The following LRRC4B variants were observed in gnomAD, a reference collection of about 807,000 sequenced individuals.
LRRC4B encodes the protein leucine rich repeat containing 4B.
LRRC4B carries 1 observed loss-of-function variant against 7.3 expected under a neutral mutation model. The observed-to-expected ratio is 0.14, with a 90% confidence interval of 0.05 to 0.65. LRRC4B has a LOEUF of 0.65. Among genes scored for constraint, LRRC4B ranks in the 30% least tolerant of loss-of-function variants. The pLI is 0.84. For synonymous variants in LRRC4B, 500 were observed against 499.2 expected (o/e 1.00, Z -0.02); for missense variants, 730 against 1,041.6 (o/e 0.70, Z 4.12).
At chr19:50,536,937 T>C (rs1981320567) in intron 2 of LRRC4B, among the ~76,000 whole-genome samples, 1 of 151,804 alleles carries the variant, frequency 6.6e-6, no homozygotes, top group African/African-American at 2.4e-5. Context: ...CAGAAAGGTG[T>C]CCCCTAGGAG....
rs1417806349 is a variant in LRRC4B at position 50,519,311 on chromosome 19, G to T, written c.402C>A (p.Pro134=). ...KIEVGAFNGL[P]SLNTLELFDN... ...CAAAAAGCTCCAGCGTGTTGAGGCT[G>T]GGCAGCCCGTTGAAGGCGCCCACCT... Residue 134 remains proline, a synonymous_variant, in exon 3 of 3, where the codon CCC becomes CCA. Transcript: ENST00000652263. This position sits in a 1 kb window ranked among gnomAD's most constrained non-coding sequence, Gnocchi z 8.1. The T allele has an allele frequency of 5.0e-6, 8 of 1,613,758 alleles. No individual in the cohort carries two copies. The South Asian group carries it at 6.6e-5, about 13-fold the overall frequency.
Position 50,517,513 on chromosome 19 carries a change from C to T in LRRC4B, c.*58G>A. The T allele has an allele frequency of 1.5e-6, 2 of 1,358,674 alleles. No individual in the cohort carries two copies. Among genetic ancestry groups the T allele is most frequent in the Non-Finnish European group, 1.9e-6 (2 of 1,051,084 alleles). 84.2% of individuals were successfully genotyped at this position (1,358,674 alleles called of 1,614,324 possible). A position where few individuals can be genotyped will look rare whatever the true frequency, so the allele number is the denominator to read the frequency against. On this transcript the variant is annotated 3_prime_UTR_variant, in exon 3 of 3. Coordinates refer to ENST00000652263, the MANE Select transcript of LRRC4B (RefSeq NM_001080457.2). The surrounding 1 kb of genome is among the most constrained non-coding windows in gnomAD (Gnocchi z 6.6). The stretch of plus-strand genomic sequence containing the variant: ...AGGGAGGGGTCCCGGTCAGGCTGCG[C>T]CCGGGCTGGGACCTGGGTGGGGGGC...
chr19:50,524,870 T>C (rs1599761737), intron 2 of LRRC4B, among the ~76,000 whole-genome samples: 1 of 152,032 alleles, frequency 6.6e-6, no homozygotes, highest in Non-Finnish European at 1.5e-5. Flanking sequence ...ATGCTGCGGG[T>C]TTACTCGGTG....
rs1037783779 is a variant in LRRC4B at position 50,519,574 on chromosome 19, T to G, written c.298-159A>C. Among the ~76,000 whole-genome samples the G allele has an allele frequency of 4.6e-5, 7 of 152,142 alleles. No homozygotes were observed. The highest frequency in any genetic ancestry group is 3.3e-4 in the Admixed American group (5 of 15,272). On this transcript the variant is annotated intron_variant, in intron 2 of 2. Transcript: ENST00000652263. This position sits in a 1 kb window ranked among gnomAD's most constrained non-coding sequence, Gnocchi z 8.1. Reference sequence around the variant, plus strand: ...GCAACATGGTTTGATGAGTTTCTTATAAAGTTAAAACTGGAGTCAAGGCTG... The same window carrying G: ...GCAACATGGTTTGATGAGTTTCTTAGAAAGTTAAAACTGGAGTCAAGGCTG...
chr19:50,546,073 G>A (rs946071636), intron 2 of LRRC4B, among the ~76,000 whole-genome samples: 3 of 151,370 alleles, frequency 2.0e-5, no homozygotes, highest in African/African-American at 7.3e-5. Context: ...GGTGGCTCAC[G>A]CCTGTAATCC....
chr19:50,541,859 CG>C (rs1981565010), intron 2 of LRRC4B, among the ~76,000 whole-genome samples: 1 of 152,030 alleles, frequency 6.6e-6, no homozygotes, highest in African/African-American at 2.4e-5. Context: ...TAGAAGCCTC[CG>C]GGACGTCCAG....
chr19:50,530,657 C>T (rs1981014585), intron 2 of LRRC4B, among the ~76,000 whole-genome samples: 1 of 152,206 alleles, frequency 6.6e-6, no homozygotes, highest in South Asian at 2.1e-4. Context: ...GAGACTCACT[C>T]CGCTCAGGGC....
chr19:50,521,561 G>T (rs1980579912), intron 2 of LRRC4B, among the ~76,000 whole-genome samples: 1 of 152,126 alleles, frequency 6.6e-6, no homozygotes, highest in African/African-American at 2.4e-5. Flanking sequence ...CCAAGTAGCT[G>T]GGATTACAGG....
intron 2 of LRRC4B, among the ~76,000 whole-genome samples, chr19:50,541,067 C>T (rs1407207632): frequency 1.3e-5 from 2 of 151,650 alleles, no homozygotes; most frequent in Non-Finnish European, 2.9e-5. Context: ...GCCTGTAGTC[C>T]CAGCTACTCG....
At chr19:50,543,459 C>G (rs1981646078) in intron 2 of LRRC4B, among the ~76,000 whole-genome samples, 1 of 151,964 alleles carries the variant, frequency 6.6e-6, no homozygotes, top group Non-Finnish European at 1.5e-5. Context: ...GACCCAGAAA[C>G]TCCGCTTCTA....
intron 2 of LRRC4B, among the ~76,000 whole-genome samples, chr19:50,520,569 G>A (rs1980532300): frequency 6.6e-6 from 1 of 151,462 alleles, no homozygotes. Flanking sequence ...GGCAGAGGTT[G>A]CAGTGAACTG....
intron 2 of LRRC4B, among the ~76,000 whole-genome samples, chr19:50,540,412 G>C (rs544836066): frequency 6.6e-6 from 1 of 152,172 alleles, no homozygotes; most frequent in South Asian, 2.1e-4. Context: ...GCCTAGGCTG[G>C]AGTGCAGTGG....
intron 2 of LRRC4B, among the ~76,000 whole-genome samples, chr19:50,544,227 C>T (rs1370494515): frequency 6.6e-6 from 1 of 151,708 alleles, no homozygotes; most frequent in African/African-American, 2.4e-5. Flanking sequence ...AAAAAATAGG[C>T]CGGGCGCAGT....
At position 50,519,712 on chromosome 19, in the gene LRRC4B, A is replaced by T. The variant is rs1313571412; in HGVS notation, c.298-297T>A. 1.3e-5 allele frequency among the ~76,000 whole-genome samples: 2 copies of T among 151,996 alleles called. No homozygotes were observed. The highest frequency in any genetic ancestry group is 1.5e-5 in the Non-Finnish European group (1 of 68,024). On this transcript the variant is annotated intron_variant, in intron 2 of 2. Transcript: ENST00000652263. The surrounding 1 kb of genome is among the most constrained non-coding windows in gnomAD (Gnocchi z 8.1). Reference sequence around the variant, plus strand: ...GACAACATGGTGAAACCCTGTCTCTACTAAAAATACAAAAATTAGCCAGGT... The same window carrying T: ...GACAACATGGTGAAACCCTGTCTCTTCTAAAAATACAAAAATTAGCCAGGT...
chr19:50,562,394 G>GA (rs150043802), intron 1 of LRRC4B, among the ~76,000 whole-genome samples: 2,891 of 152,282 alleles, frequency 0.019, 101 homozygotes, highest in African/African-American at 0.065. Context: ...GGAATACACG[G>GA]AAAAAATCCA....
At chr19:50,521,789 A>G (rs1419353539) in intron 2 of LRRC4B, among the ~76,000 whole-genome samples, 2 of 151,120 alleles carry the variant, frequency 1.3e-5, no homozygotes, top group Non-Finnish European at 2.9e-5. Flanking sequence ...TGAACTCCCA[A>G]TCTGAAGTGA....
At chr19:50,550,055 C>T (rs1169920436) in intron 1 of LRRC4B, among the ~76,000 whole-genome samples, 1 of 152,182 alleles carries the variant, frequency 6.6e-6, no homozygotes, top group African/African-American at 2.4e-5. Context: ...AATAGTCTCT[C>T]CGGAACACTG....
At chr19:50,551,619 C>T (rs1252278989) in intron 1 of LRRC4B, among the ~76,000 whole-genome samples, 1 of 143,228 alleles carries the variant, frequency 7.0e-6, no homozygotes, top group Non-Finnish European at 1.5e-5. Context: ...AGTCTCCCCC[C>T]TCACAATCTT....
chr19:50,554,653 C>G (rs1982211167), intron 1 of LRRC4B, among the ~76,000 whole-genome samples: 1 of 152,230 alleles, frequency 6.6e-6, no homozygotes, highest in Non-Finnish European at 1.5e-5. Context: ...ATAATGACAC[C>G]ACCAAAGGTG....
Sources: gnomAD v4.1 joint callset for allele counts (sites outside exome capture counted in the v4.1 genomes callset) on GRCh38, gnomAD v4.1.1 for gene constraint, Gnocchi (gnomAD v3.1) non-coding constraint, MANE v1.5 for transcripts, NCBI Gene and HGNC (gene_info 2026-07-23, HGNC 2026-07-21) for gene names.